Variants in TMSB15A observed in about 807,000 individuals in gnomAD.
TMSB15A encodes the protein thymosin beta 15A.
In TMSB15A, 1 loss-of-function variant was observed where a neutral mutation model predicts 3.2. The observed-to-expected ratio is 0.32, with a 90% CI of 0.11 to 1.50. The LOEUF is 1.50. Ranked by LOEUF, TMSB15A falls within the 40% of genes most tolerant of loss-of-function variation. The probability of loss-of-function intolerance (pLI) is 0.39; values close to 1 mark genes in which losing one functional copy is unlikely to be tolerated. For missense variants in TMSB15A, 22 were observed against 27.8 expected (o/e 0.79, Z 0.47); for synonymous variants, 10 against 11.2 (o/e 0.90, Z 0.21).
Position 102,513,895 on chromosome X carries a change from G to A in TMSB15A, c.*192C>T. On this transcript the variant is annotated 3_prime_UTR_variant, in exon 3 of 3. Transcript: ENST00000289373. ...ACAGCATCTGCCATCTGGAACATAT[G>A]CACCAATGGTAAGTTTAAAAATGAA... 1 of 483,263 alleles carries A rather than the reference G, an allele frequency of 2.1e-6. No individual in the cohort carries two copies. 39.8% of individuals were successfully genotyped at this position (483,263 alleles called of 1,213,427 possible). A position where few individuals can be genotyped will look rare whatever the true frequency, so the allele number is the denominator to read the frequency against.
At chrX:102,514,850 T>C (rs1334632134) in intron 2 of TMSB15A, among the ~76,000 whole-genome samples, 2 of 111,782 alleles carry the variant, frequency 1.8e-5, no homozygotes, top group African/African-American at 6.5e-5. Context: ...AGAAACTAGT[T>C]TTCCCCCCCA....
intron 1 of TMSB15A, among the ~76,000 whole-genome samples, chrX:102,515,705 G>C (rs975901394): frequency 2.7e-5 from 3 of 110,305 alleles, no homozygotes; most frequent in Non-Finnish European, 3.8e-5. Flanking sequence ...AATGCCCAAA[G>C]ATGACAGTAC....
intron 1 of TMSB15A, among the ~76,000 whole-genome samples, chrX:102,516,320 C>G (rs1417622313): frequency 2.7e-5 from 3 of 113,130 alleles, no homozygotes; most frequent in Non-Finnish European, 5.6e-5. Flanking sequence ...GAGGACCAAG[C>G]CCCAGGGGGC....
chrX:102,516,395 G>C (rs1369980663), intron 1 of TMSB15A, among the ~76,000 whole-genome samples: 2 of 112,986 alleles, frequency 1.8e-5, no homozygotes, highest in African/African-American at 6.4e-5. Context: ...CTGCGGACAG[G>C]TCCCTTTAAG....
At chrX:102,514,612 C>T (rs1934874139) in intron 2 of TMSB15A, among the ~76,000 whole-genome samples, 1 of 111,414 alleles carries the variant, frequency 9.0e-6, no homozygotes, top group South Asian at 3.8e-4. Flanking sequence ...GTGAGCCCTA[C>T]GTGCACCCAA....
chrX:102,515,179 G>A lies in TMSB15A; in HGVS notation c.-16C>T. ...TATCACTCATCTTGACTAGAAGATA[G>A]CCTGAAAAGAATAAACATTTTTAAG... is the stretch of plus-strand genomic sequence containing the variant. On this transcript the variant is annotated splice_region_variant and 5_prime_UTR_variant, in exon 2 of 3. Coordinates refer to ENST00000289373, the MANE Select transcript of TMSB15A (RefSeq NM_021992.3). 2 of 1,204,087 alleles carry A rather than the reference G, an allele frequency of 1.7e-6. No individual in the cohort carries two copies. Among genetic ancestry groups the A allele is most frequent in the Non-Finnish European group, 2.2e-6 (2 of 891,509 alleles).
chrX:102,514,978 C>A, intron 2 of TMSB15A, 86 bp downstream of exon 2: 1 of 1,068,660 alleles, frequency 9.4e-7, no homozygotes, highest in Non-Finnish European at 1.3e-6. Flanking sequence ...TACTTTGTGG[C>A]AAAAATTTAC....
chrX:102,515,275 G>T, intron 1 of TMSB15A, 95 bp from the exon 2 acceptor site: 5 of 705,069 alleles, frequency 7.1e-6, no homozygotes, highest in Non-Finnish European at 1.0e-5. Context: ...TCATATCAAT[G>T]TATATTCTAC....
At position 102,514,122 on chromosome X, in the gene TMSB15A, T is replaced by G; in HGVS notation, c.103A>C (p.Ile35Leu). Residue 35 changes from isoleucine (I) to leucine (L), a missense_variant and splice_region_variant, in exon 3 of 3, where the codon ATC becomes CTC. Coordinates refer to ENST00000289373, the MANE Select transcript of TMSB15A (RefSeq NM_021992.3). ...TGAACACACTCTTTCTCTTGCTGGA[T>G]AGCTGGGAAGACAAACACAAAAATC... ...EKNTLPSKETIQQEKECVQTS is the reference protein window; with the variant it reads ...EKNTLPSKETLQQEKECVQTS 8.3e-7 allele frequency: 1 copy of G among 1,211,724 alleles called. No homozygotes were observed. Among genetic ancestry groups the G allele is most frequent in the Admixed American group, 2.2e-5 (1 of 46,101 alleles).
chrX:102,513,955 C>G lies in TMSB15A; in HGVS notation c.*132G>C. ...ACATTGGCTACCTCTGACTTCTTAG[C>G]CAGGGAACATAGGTGAGAAGATATC... On this transcript the variant is annotated 3_prime_UTR_variant, in exon 3 of 3. Coordinates refer to ENST00000289373, the MANE Select transcript of TMSB15A (RefSeq NM_021992.3). 1 of 716,343 alleles carries G rather than the reference C, an allele frequency of 1.4e-6. No homozygotes were observed. The highest frequency in any genetic ancestry group is 2.1e-6 in the Non-Finnish European group (1 of 468,344). 59.0% of individuals were successfully genotyped at this position (716,343 alleles called of 1,213,427 possible).
rs782090029 is a variant in TMSB15A, at chrX:102,515,107, C to A, written c.57G>T (p.Lys19Asn). The change falls in exon 2 of 3, where the codon AAG (lysine) becomes AAT (asparagine). Residue 19 changes from lysine to asparagine, a missense_variant. Transcript: ENST00000289373. The stretch of plus-strand genomic sequence containing the variant: ...TATTTTTTTCTTCAGTATTAGTTTT[C>A]TTCAGTTTTGACCTGTCAAACTTCT... ...EVEKFDRSKL[K>N]KTNTEEKNTL... 10 of 1,211,213 alleles carry A rather than the reference C, an allele frequency of 8.3e-6. No individual in the cohort carries two copies. Among genetic ancestry groups the A allele is most frequent in the Non-Finnish European group, 1.1e-5 (10 of 895,366 alleles).
chrX:102,515,274 T>A, intron 1 of TMSB15A, 94 bp from the exon 2 acceptor site: 1 of 711,853 alleles, frequency 1.4e-6, no homozygotes, highest in African/African-American at 2.1e-5. Context: ...TTCATATCAA[T>A]GTATATTCTA....
At position 102,513,833 on chromosome X, in the gene TMSB15A, A is replaced by G. The variant is rs1934866970; in HGVS notation, c.*254T>C. Reference sequence around the variant, plus strand: ...GGCTTATCCAGTATAGGATGCAAGAACTACATACACAAAGGTCATCAATGG... The same window carrying G: ...GGCTTATCCAGTATAGGATGCAAGAGCTACATACACAAAGGTCATCAATGG... On this transcript the variant is annotated 3_prime_UTR_variant, in exon 3 of 3. Coordinates refer to ENST00000289373, the MANE Select transcript of TMSB15A (RefSeq NM_021992.3). 2.5e-6 allele frequency: 1 copy of G among 394,095 alleles called. No homozygotes were observed. The highest frequency in any genetic ancestry group is 4.5e-6 in the Non-Finnish European group (1 of 224,087). The allele number at this position is 394,095 out of a possible 1,213,427, so 32.5% of individuals were successfully genotyped here.
intron 1 of TMSB15A, 104 bp from the exon 2 acceptor site, chrX:102,515,284 A>G: frequency 1.5e-6 from 1 of 646,876 alleles, no homozygotes; most frequent in Non-Finnish European, 2.3e-6. Context: ...TGTATATTCT[A>G]CCCGCTCATT....
intron 1 of TMSB15A, among the ~76,000 whole-genome samples, chrX:102,515,567 T>C (rs185379029): frequency 9.8e-4 from 109 of 110,848 alleles, no homozygotes; most frequent in Non-Finnish European, 1.7e-3. Flanking sequence ...TAACAGGAGA[T>C]AGCACTATTC....
intron 1 of TMSB15A, among the ~76,000 whole-genome samples, chrX:102,516,024 C>T (rs1256916019): frequency 9.1e-6 from 1 of 110,394 alleles, no homozygotes; most frequent in African/African-American, 3.3e-5. Context: ...AGCCCAGCCC[C>T]ACCCTCGTGC....
Position 102,514,011 on chromosome X carries a change from G to C in TMSB15A, c.*76C>G, listed in dbSNP as rs1407310750. Reference sequence around the variant, plus strand: ...ACGCCTAAAATCTCTACAAACACATGGGTTTACAAAAAACAAGCCTAAAAT... The same window carrying C: ...ACGCCTAAAATCTCTACAAACACATCGGTTTACAAAAAACAAGCCTAAAAT... On this transcript the variant is annotated 3_prime_UTR_variant, in exon 3 of 3. Transcript: ENST00000289373. 3 of 1,110,783 alleles carry C rather than the reference G, an allele frequency of 2.7e-6. No homozygotes were observed. The highest frequency in any genetic ancestry group is 3.6e-5 in the African/African-American group (2 of 55,180). The allele number at this position is 1,110,783 out of a possible 1,213,427, so 91.5% of individuals were successfully genotyped here.
chrX:102,515,863 T>G (rs1421411628), intron 1 of TMSB15A, among the ~76,000 whole-genome samples: 1 of 111,646 alleles, frequency 9.0e-6, no homozygotes, highest in African/African-American at 3.3e-5. Context: ...TTCACCATGT[T>G]TTCTCTGCAA....
At chrX:102,515,619 AT>A (rs782685690) in intron 1 of TMSB15A, among the ~76,000 whole-genome samples, 35 of 107,147 alleles carry the variant, frequency 3.3e-4, no homozygotes, top group Middle Eastern at 9.7e-3. Context: ...GTTTTTTGGC[AT>A]TTTTTTTTAG....
Sources: gnomAD v4.1 joint callset for allele counts (sites outside exome capture counted in the v4.1 genomes callset) on GRCh38, gnomAD v4.1.1 for gene constraint, MANE v1.5 for transcripts, NCBI Gene and HGNC (gene_info 2026-07-23, HGNC 2026-07-21) for gene names.